DDC: variants seen among roughly 807,000 people sequenced by gnomAD.
DDC encodes the protein dopa decarboxylase, also known as aromatic-L-amino-acid decarboxylase.
A neutral mutation model predicts 60.0 loss-of-function variants in DDC; 43 were observed. That is an observed-to-expected ratio of 0.72 (90% CI 0.56 to 0.92). The LOEUF (loss-of-function observed/expected upper bound fraction) is 0.92, where lower values mean the gene tolerates loss of function less well. Ranked by LOEUF, DDC falls within the 40% of genes least tolerant of loss-of-function variation. The pLI is 0.00. For missense variants in DDC, 573 were observed against 620.2 expected (o/e 0.92, Z 0.81); for synonymous variants, 232 against 234.6 (o/e 0.99, Z 0.10).
intron 9 of DDC, among the ~76,000 whole-genome samples, chr7:50,486,004 C>T (rs879482233): frequency 2.0e-4 from 30 of 152,148 alleles, no homozygotes; most frequent in African/African-American, 1.7e-4. Flanking sequence ...TTTAATGTAA[C>T]GGTGTCTAGA....
At chr7:50,551,443 G>A (rs2044990798) in intron 1 of DDC, among the ~76,000 whole-genome samples, 1 of 151,910 alleles carries the variant, frequency 6.6e-6, no homozygotes, top group East Asian at 1.9e-4. Flanking sequence ...ATGTTGGCCA[G>A]GCTGGTCTCT....
chr7:50,497,604 G>A (rs187691834), intron 8 of DDC, among the ~76,000 whole-genome samples: 5 of 152,242 alleles, frequency 3.3e-5, no homozygotes, highest in East Asian at 1.9e-4. Flanking sequence ...TTTACTCTTC[G>A]TTTCCCAGCA....
At chr7:50,552,962 C>T (rs2045057746) in intron 1 of DDC, among the ~76,000 whole-genome samples, 1 of 152,252 alleles carries the variant, frequency 6.6e-6, no homozygotes, top group African/African-American at 2.4e-5. Flanking sequence ...CCCTGCCCAA[C>T]ATCTAGCCCT....
chr7:50,543,448 A>T (rs901684569), intron 2 of DDC: 5 of 297,794 alleles, frequency 1.7e-5, no homozygotes, highest in Non-Finnish European at 3.3e-5. Context: ...TAAACTAAAG[A>T]AAACGTTTCT....
chr7:50,485,978 T>G (rs2042872100), intron 9 of DDC, among the ~76,000 whole-genome samples: 1 of 152,228 alleles, frequency 6.6e-6, no homozygotes, highest in African/African-American at 2.4e-5. Flanking sequence ...CTTGCTGTAC[T>G]TGTAATGATT....
chr7:50,515,565 TG>T (rs765803912), intron 6 of DDC, among the ~76,000 whole-genome samples: 1 of 152,122 alleles, frequency 6.6e-6, no homozygotes, highest in African/African-American at 2.4e-5. Context: ...GCATGATGAA[TG>T]CAAGGGTACC....
At chr7:50,492,827 G>A (rs1012448910) in intron 9 of DDC, 8 of 1,521,702 alleles carry the variant, frequency 5.3e-6, no homozygotes, top group Non-Finnish European at 7.0e-6. Flanking sequence ...AGAGTTGTCC[G>A]GGAGAGATGA....
At chr7:50,530,164 A>C (rs913620991) in intron 4 of DDC, among the ~76,000 whole-genome samples, 3 of 152,084 alleles carry the variant, frequency 2.0e-5, no homozygotes, top group African/African-American at 7.2e-5. Flanking sequence ...CTGAGGTGGG[A>C]GGATGACTTG....
intron 9 of DDC, among the ~76,000 whole-genome samples, chr7:50,494,909 C>T (rs11575422): frequency 0.12 from 18,673 of 152,084 alleles, 1,359 homozygotes; most frequent in African/African-American, 0.21. Flanking sequence ...GTGATCCACC[C>T]GCCTCGGCCT....
rs181046872 is a variant in DDC at position 50,546,113 on chromosome 7, T to A, written c.-28-2000A>T. 1.1e-4 allele frequency among the ~76,000 whole-genome samples: 17 copies of A among 152,318 alleles called. No homozygotes were observed. The East Asian group carries it at 2.9e-3, about 26-fold the overall frequency. ...CCCATGGGAGTTAAGTGCTTAGGAA[T>A]ACTCTAAATTCACTGTTATTAGCAA... is the stretch of plus-strand genomic sequence containing the variant. On this transcript the variant is annotated intron_variant, in intron 1 of 14. Coordinates refer to ENST00000444124, the MANE Select transcript of DDC (RefSeq NM_001082971.2).
At chr7:50,462,060 A>G (rs1461376614) in intron 14 of DDC, among the ~76,000 whole-genome samples, 1 of 152,150 alleles carries the variant, frequency 6.6e-6, no homozygotes, top group Admixed American at 6.5e-5. Context: ...ACAGCAAAGA[A>G]GATAAAAATT....
chr7:50,473,021 G>A (rs1233288659), intron 11 of DDC, among the ~76,000 whole-genome samples: 1 of 152,220 alleles, frequency 6.6e-6, no homozygotes, highest in Non-Finnish European at 1.5e-5. Flanking sequence ...CAAATGCTCT[G>A]GGGACATTTG....
In DDC at chr7:50,543,971, G is replaced by T. The variant is rs151088825; in HGVS notation, c.115C>A (p.Arg39=). ...VYPDVEPGYL[R]PLIPAAAPQE... is the part of the protein sequence containing the mutation. ...GGGGCAGCGGCAGGGATCAGCGGCC[G>T]CAGGTACCCGGGCTCCACGTCAGGG... Residue 39 remains arginine, a synonymous_variant, in exon 2 of 15, where the codon CGG becomes AGG. Transcript: ENST00000444124. 7 of 1,614,038 alleles carry T rather than the reference G, an allele frequency of 4.3e-6. No homozygotes were observed. The African/African-American group carries it at 6.7e-5, about 15-fold the overall frequency.
chr7:50,491,404 C>T (rs1137337), intron 9 of DDC, among the ~76,000 whole-genome samples: 18,968 of 152,010 alleles, frequency 0.12, 1,390 homozygotes, highest in African/African-American at 0.21. Context: ...ATGAGCTTTC[C>T]TAACCACGTG....
At chr7:50,476,883 C>G (rs774293945) in intron 10 of DDC, among the ~76,000 whole-genome samples, 1 of 152,198 alleles carries the variant, frequency 6.6e-6, no homozygotes, top group East Asian at 1.9e-4. Flanking sequence ...CAATAGACCC[C>G]CATTAGTTTT....
rs2044732307 is a variant in DDC, at chr7:50,544,267, C to T, written c.-28-154G>A. On this transcript the variant is annotated intron_variant, in intron 1 of 14. Transcript: ENST00000444124. ...AGTAAGGGGCGCTTTCCCTCCATGT[C>T]TGTAGGAGGTAGAAATGGCACTGGA... The T allele has an allele frequency of 7.5e-6, 5 of 668,396 alleles. No individual in the cohort carries two copies. The South Asian group carries it at 8.4e-5, about 11-fold the overall frequency. The allele number at this position is 668,396 out of a possible 1,614,324, so 41.4% of individuals were successfully genotyped here. A position where few individuals can be genotyped will look rare whatever the true frequency, so the allele number is the denominator to read the frequency against.
chr7:50,504,239 C>T (rs1363821839), intron 6 of DDC, among the ~76,000 whole-genome samples, 180 bp from the exon 7 acceptor site: 1 of 152,150 alleles, frequency 6.6e-6, no homozygotes, highest in Admixed American at 6.5e-5. Flanking sequence ...GTGAAAGCAT[C>T]ATAACAGGTT....
intron 6 of DDC, among the ~76,000 whole-genome samples, chr7:50,513,779 T>C (rs2043651239): frequency 6.6e-6 from 1 of 151,982 alleles, no homozygotes; most frequent in South Asian, 2.1e-4. Context: ...TCCAGTGACC[T>C]AGGACTCTCA....
At chr7:50,515,649 GATA>G (rs2043706414) in intron 6 of DDC, among the ~76,000 whole-genome samples, 1 of 152,120 alleles carries the variant, frequency 6.6e-6, no homozygotes, top group African/African-American at 2.4e-5. Flanking sequence ...CCACAGAATG[GATA>G]ATAACTCACC....
Sources: allele counts gnomAD v4.1 joint callset (sites outside exome capture counted in the v4.1 genomes callset), GRCh38; gene constraint gnomAD v4.1.1; transcripts MANE v1.5; gene names NCBI Gene and HGNC (gene_info 2026-07-23, HGNC 2026-07-21).